KCNB2: variants seen among roughly 807,000 people sequenced by gnomAD.
KCNB2 encodes potassium voltage-gated channel subfamily B member 2, also known as delayed rectifier potassium channel protein.
KCNB2 carries 15 observed loss-of-function variants against 61.5 expected under a neutral mutation model. The observed-to-expected ratio is 0.24, with a 90% CI of 0.16 to 0.38. The LOEUF is 0.38. Among genes scored for constraint, KCNB2 ranks in the 10% least tolerant of loss-of-function variants. The pLI is 1.00. For missense variants in KCNB2, 828 were observed against 1,125.2 expected, an observed-to-expected ratio of 0.74 and a Z score of 3.78; for synonymous variants, 457 against 446.0, an observed-to-expected ratio of 1.02 and a Z score of -0.31.
intron 2 of KCNB2, among the ~76,000 whole-genome samples, chr8:72,902,332 G>T (rs1806105185): frequency 6.6e-6 from 1 of 152,178 alleles, no homozygotes; most frequent in African/African-American, 2.4e-5. Flanking sequence ...TGGATGGAGA[G>T]TGAAGGGAAA....
chr8:72,714,930 G>A (rs1807401217), intron 2 of KCNB2, among the ~76,000 whole-genome samples: 2 of 152,152 alleles, frequency 1.3e-5, no homozygotes, highest in Non-Finnish European at 2.9e-5. Context: ...CACGTGCAGA[G>A]ACACACATAG....
chr8:72,550,877 C>T (rs770911713), intron 1 of KCNB2, among the ~76,000 whole-genome samples: 3 of 152,238 alleles, frequency 2.0e-5, no homozygotes, highest in Admixed American at 6.5e-5. Flanking sequence ...TGGGAGCAGG[C>T]GATATTTGGA....
chr8:72,604,689 C>T (rs1805418766), intron 2 of KCNB2, among the ~76,000 whole-genome samples: 1 of 152,032 alleles, frequency 6.6e-6, no homozygotes, highest in South Asian at 2.1e-4. Flanking sequence ...TGTTTTGTAC[C>T]CATTTAAATT....
intron 2 of KCNB2, among the ~76,000 whole-genome samples, chr8:72,845,882 G>A (rs932886248): frequency 2.4e-4 from 37 of 152,274 alleles, no homozygotes; most frequent in Middle Eastern, 3.4e-3. Flanking sequence ...GGGCTCTGTG[G>A]GGGTAGGATC....
chr8:72,926,905 A>C (rs1036893152), intron 2 of KCNB2, among the ~76,000 whole-genome samples: 2 of 152,210 alleles, frequency 1.3e-5, no homozygotes, highest in African/African-American at 2.4e-5. Context: ...TGTGAAATGC[A>C]AATCTGAGCA....
At chr8:72,595,643 C>T (rs955882696) in intron 2 of KCNB2, among the ~76,000 whole-genome samples, 1 of 152,136 alleles carries the variant, frequency 6.6e-6, no homozygotes, top group East Asian at 1.9e-4. Context: ...AATTTCTAAA[C>T]ATACTTGAAT....
At chr8:72,914,027 A>T (rs1429079374) in intron 2 of KCNB2, among the ~76,000 whole-genome samples, 1 of 152,212 alleles carries the variant, frequency 6.6e-6, no homozygotes, top group East Asian at 1.9e-4. Flanking sequence ...CTTATAAATG[A>T]CAGAAATTTA....
At chr8:72,549,484 TGAAAA>T (rs1256535932) in intron 1 of KCNB2, among the ~76,000 whole-genome samples, 1 of 152,090 alleles carries the variant, frequency 6.6e-6, no homozygotes, top group Non-Finnish European at 1.5e-5. Flanking sequence ...ATTCCACTGA[TGAAAA>T]CTAGTCAGAT....
chr8:72,626,054 C>T (rs766902142), intron 2 of KCNB2, among the ~76,000 whole-genome samples: 11 of 152,040 alleles, frequency 7.2e-5, no homozygotes, highest in Non-Finnish European at 1.5e-4. Flanking sequence ...ATAGAAAGAC[C>T]ATTGTCTAAA....
At position 72,805,960 on chromosome 8, in the gene KCNB2, C is replaced by T. The variant is rs142019095; in HGVS notation, c.580-129975C>T. ...ACCTGGCTCTAGTCCTGGCTGTGACCTTGAGAAACCACAACTTCTACAGCT... is the reference window on the plus strand; with the variant it reads ...ACCTGGCTCTAGTCCTGGCTGTGACTTTGAGAAACCACAACTTCTACAGCT... On this transcript the variant is annotated intron_variant, in intron 2 of 2. Transcript: ENST00000523207. 6.1e-4 allele frequency among the ~76,000 whole-genome samples: 93 copies of T among 152,254 alleles called. 1 individual carries two copies. The East Asian group carries it at 0.016, about 26-fold the overall frequency.
intron 2 of KCNB2, among the ~76,000 whole-genome samples, chr8:72,650,577 C>T (rs765749026): frequency 2.6e-4 from 40 of 152,228 alleles, no homozygotes; most frequent in African/African-American, 9.1e-4. Context: ...TAAGGGTCAC[C>T]GCCAGGTCTC....
intron 2 of KCNB2, among the ~76,000 whole-genome samples, chr8:72,704,688 G>C (rs1174564146): frequency 6.6e-6 from 1 of 152,110 alleles, no homozygotes; most frequent in East Asian, 1.9e-4. Context: ...TTACTGTCTT[G>C]AGTGATCTCT....
At chr8:72,620,633 A>G (rs1805700192) in intron 2 of KCNB2, among the ~76,000 whole-genome samples, 1 of 151,838 alleles carries the variant, frequency 6.6e-6, no homozygotes, top group South Asian at 2.1e-4. Context: ...TTTGAGATGG[A>G]GTTTCGCTCT....
chr8:72,725,557 G>GTGTATA (rs1807625161), intron 2 of KCNB2, among the ~76,000 whole-genome samples: 3 of 55,018 alleles, frequency 5.5e-5, no homozygotes, highest in Non-Finnish European at 1.2e-4. Context: ...ATATATATAT[G>GTGTATA]TATATATGTA....
At chr8:72,927,519 A>G (rs1806675893) in intron 2 of KCNB2, among the ~76,000 whole-genome samples, 1 of 152,040 alleles carries the variant, frequency 6.6e-6, no homozygotes, top group South Asian at 2.1e-4. Context: ...GACCCACCGG[A>G]CTTGGTCTCC....
intron 2 of KCNB2, among the ~76,000 whole-genome samples, chr8:72,842,256 A>T (rs187297970): frequency 6.6e-6 from 1 of 152,326 alleles, no homozygotes; most frequent in Non-Finnish European, 1.5e-5. Flanking sequence ...GTGTATGTTG[A>T]ATCAGGCTTG....
intron 1 of KCNB2, among the ~76,000 whole-genome samples, chr8:72,557,094 C>T (rs1010934773): frequency 1.7e-4 from 26 of 152,204 alleles, no homozygotes; most frequent in African/African-American, 5.8e-4. Context: ...CTCTTAATAC[C>T]ATCAACTTGG....
intron 2 of KCNB2, among the ~76,000 whole-genome samples, chr8:72,656,121 C>T (rs972601979): frequency 2.6e-5 from 4 of 152,116 alleles, no homozygotes; most frequent in African/African-American, 9.7e-5. Context: ...GGCTTTTCTC[C>T]ACTTCTTCAC....
At chr8:72,682,616 G>C (rs553131821) in intron 2 of KCNB2, among the ~76,000 whole-genome samples, 2 of 150,958 alleles carry the variant, frequency 1.3e-5, no homozygotes, top group African/African-American at 4.9e-5. Flanking sequence ...AAAAAAAGGA[G>C]AGGATTTCAC....
Sources: allele counts gnomAD v4.1 joint callset (sites outside exome capture counted in the v4.1 genomes callset), GRCh38; gene constraint gnomAD v4.1.1; transcripts MANE v1.5; gene names NCBI Gene and HGNC (gene_info 2026-07-23, HGNC 2026-07-21).